RAI1: variants seen among roughly 807,000 people sequenced by gnomAD.
RAI1 encodes the protein retinoic acid induced 1, also known as retinoic acid-induced protein 1.
Under a neutral mutation model 123.8 loss-of-function variants are expected in RAI1, and 9 were observed. The ratio of observed to expected loss-of-function variants is 0.07; its 90% CI spans 0.04 to 0.13. RAI1 has a LOEUF of 0.13. RAI1 is among the 10% of genes least tolerant of loss of function. The pLI is 1.00. For synonymous variants in RAI1, 1,231 were observed against 1,127.3 expected (o/e 1.09, Z -1.84); for missense variants, 2,256 against 2,545.8 (o/e 0.89, Z 2.45).
intron 2 of RAI1, chr17:17,779,182 G>A (rs1231346460): frequency 8.8e-6 from 3 of 341,556 alleles, no homozygotes; most frequent in Non-Finnish European, 1.7e-5. Context: ...GGTGAGGAAA[G>A]CCTCCCGGGT....
At chr17:17,778,799 G>A (rs1272470247) in intron 2 of RAI1, 1 of 456,772 alleles carries the variant, frequency 2.2e-6, no homozygotes, top group East Asian at 6.9e-5. Flanking sequence ...TCTGGGGCCA[G>A]GCCAAGCTAG....
intron 1 of RAI1, among the ~76,000 whole-genome samples, chr17:17,689,267 ATTC>A (rs775970318): frequency 3.3e-5 from 5 of 152,244 alleles, no homozygotes; most frequent in Admixed American, 2.6e-4. Flanking sequence ...CCGGCCAATT[ATTC>A]TTCTTCCATT....
intron 2 of RAI1, among the ~76,000 whole-genome samples, chr17:17,746,959 C>G (rs1341520982): frequency 6.6e-6 from 1 of 152,196 alleles, no homozygotes; most frequent in African/African-American, 2.4e-5. Context: ...AGGACTCCTT[C>G]ATTATTTCAC....
chr17:17,696,484 G>A (rs955019563), intron 1 of RAI1, among the ~76,000 whole-genome samples: 1 of 152,154 alleles, frequency 6.6e-6, no homozygotes, highest in East Asian at 1.9e-4. Flanking sequence ...GTATATAGCA[G>A]TTGATATTCC....
chr17:17,687,961 T>A (rs1028292285), intron 1 of RAI1, among the ~76,000 whole-genome samples: 2 of 135,430 alleles, frequency 1.5e-5, no homozygotes, highest in African/African-American at 5.9e-5. Context: ...ACCCAGGAAA[T>A]GGAGGTTGCA....
chr17:17,804,139 G>A (rs182369169), intron 4 of RAI1: 30 of 476,856 alleles, frequency 6.3e-5, no homozygotes, highest in African/African-American at 5.9e-4. Context: ...AGCCATCATT[G>A]CCAAGGGGCA....
rs184603841 is a variant in RAI1 at position 17,691,504 on chromosome 17, C to G, written c.-149+9711C>G. ...AAGGTAGCGGGAAGAAAGAGGGATG[C>G]GAGCCCTTCTACTCTTTTAAGGGAG... On this transcript the variant is annotated intron_variant, in intron 1 of 5. Coordinates refer to ENST00000353383, the MANE Select transcript of RAI1 (RefSeq NM_030665.4). 9.6e-4 allele frequency among the ~76,000 whole-genome samples: 146 copies of G among 152,310 alleles called. 1 individual carries two copies. Among genetic ancestry groups the G allele is most frequent in the African/African-American group, 3.4e-3 (141 of 41,572 alleles).
At chr17:17,804,584 A>C (rs1286584780) in intron 4 of RAI1, among the ~76,000 whole-genome samples, 1 of 150,656 alleles carries the variant, frequency 6.6e-6, no homozygotes, top group African/African-American at 2.4e-5. Flanking sequence ...AATATTAGTC[A>C]TTGGGGACAA....
intron 1 of RAI1, among the ~76,000 whole-genome samples, chr17:17,686,618 C>T (rs1397367173): frequency 1.5e-5 from 2 of 134,250 alleles, no homozygotes; most frequent in Admixed American, 1.5e-4. Flanking sequence ...TGCACGCGCG[C>T]GCCGGGGAGG....
intron 1 of RAI1, among the ~76,000 whole-genome samples, chr17:17,708,456 TAGAGAC>T (rs1241811135): frequency 6.6e-6 from 1 of 152,050 alleles, no homozygotes; most frequent in Non-Finnish European, 1.5e-5. Context: ...TTTTTTCCCT[TAGAGAC>T]AGAGTCTCAC....
chr17:17,789,376 C>T (rs892148203), intron 2 of RAI1, among the ~76,000 whole-genome samples: 1 of 152,358 alleles, frequency 6.6e-6, no homozygotes, highest in East Asian at 1.9e-4. Context: ...CCGCCTTGCT[C>T]CCGCCTCAGC....
intron 2 of RAI1, chr17:17,778,813 T>C (rs758789887): frequency 2.2e-6 from 1 of 456,720 alleles, no homozygotes; most frequent in Non-Finnish European, 4.4e-6. Flanking sequence ...AAGCTAGCTA[T>C]GTACAGCTGG....
intron 2 of RAI1, among the ~76,000 whole-genome samples, chr17:17,787,314 C>T (rs2031858282): frequency 6.6e-6 from 1 of 152,254 alleles, no homozygotes; most frequent in South Asian, 2.1e-4. Context: ...AGGACCCAGA[C>T]AACTGCCTGG....
Position 17,799,880 on chromosome 17 carries a change from C to T in RAI1, c.5565+1367C>T, listed in dbSNP as rs562158614. ...CTCCTGACAGTTGCCGTGGCATTGC[C>T]TGGCCAAACCAAGGTCCCGGTGGGG... On this transcript the variant is annotated intron_variant, in intron 3 of 5. Transcript: ENST00000353383. This position sits in a 1 kb window ranked among gnomAD's most constrained non-coding sequence, Gnocchi z 4.5. Among the ~76,000 whole-genome samples, 1 of 152,330 alleles carries T rather than the reference C, an allele frequency of 6.6e-6. No individual in the cohort carries two copies. The highest frequency in any genetic ancestry group is 2.1e-4 in the South Asian group (1 of 4,828).
chr17:17,804,991 T>G (rs927935419), intron 4 of RAI1, among the ~76,000 whole-genome samples: 1 of 152,134 alleles, frequency 6.6e-6, no homozygotes, highest in South Asian at 2.1e-4. Context: ...GCCTCTCAAG[T>G]AGCTGGGACT....
At chr17:17,721,570 G>A (rs965238792) in intron 1 of RAI1, among the ~76,000 whole-genome samples, 1 of 152,106 alleles carries the variant, frequency 6.6e-6, no homozygotes, top group Admixed American at 6.6e-5. Context: ...TGATTGTGTG[G>A]GCTGTCATCA....
chr17:17,755,509 T>C (rs1381076804), intron 2 of RAI1, among the ~76,000 whole-genome samples: 1 of 152,108 alleles, frequency 6.6e-6, no homozygotes, highest in Non-Finnish European at 1.5e-5. Context: ...GCCTGGACAT[T>C]GGAGCCCAGG....
intron 2 of RAI1, among the ~76,000 whole-genome samples, chr17:17,729,728 T>C (rs1359823434): frequency 6.6e-6 from 1 of 152,220 alleles, no homozygotes; most frequent in Non-Finnish European, 1.5e-5. Context: ...TCAGGGCACT[T>C]GTGTGTTGCC....
chr17:17,735,255 T>C (rs1287577002), intron 2 of RAI1, among the ~76,000 whole-genome samples: 1 of 150,948 alleles, frequency 6.6e-6, no homozygotes, highest in Non-Finnish European at 1.5e-5. Context: ...GGTTTCACCA[T>C]GTTGGTCAGG....
Sources: allele counts gnomAD v4.1 joint callset (sites outside exome capture counted in the v4.1 genomes callset), GRCh38; gene constraint gnomAD v4.1.1; non-coding constraint Gnocchi (gnomAD v3.1); transcripts MANE v1.5; gene names NCBI Gene and HGNC (gene_info 2026-07-23, HGNC 2026-07-21).